The following ACOT1 variants were observed in gnomAD, a reference collection of about 807,000 sequenced individuals.
ACOT1 encodes the protein acyl-coenzyme A thioesterase 1.
ACOT1 carries 8 observed loss-of-function variants against 15.7 expected under a neutral mutation model. The ratio of observed to expected loss-of-function variants is 0.51; its 90% confidence interval spans 0.30 to 0.92. ACOT1 has a LOEUF of 0.92. Among genes scored for constraint, ACOT1 ranks in the 40% least tolerant of loss-of-function variants. The pLI, the probability that ACOT1 is intolerant of heterozygous loss-of-function variation, is 0.06. For missense variants in ACOT1, 151 were observed against 539.4 expected (o/e 0.28, Z 7.13); for synonymous variants, 67 against 241.2 (o/e 0.28, Z 6.69).
chr14:73,491,438 C>T, the ACOT1 span: 1 of 1,360,512 alleles, frequency 7.4e-7, no homozygotes, highest in Non-Finnish European at 9.4e-7. Flanking sequence ...CGCGCCGGTC[C>T]GGGTGGTGGA....
the ACOT1 span, among the ~76,000 whole-genome samples, chr14:73,506,990 G>A: frequency 2.6e-5 from 4 of 151,306 alleles, no homozygotes; most frequent in Admixed American, 1.3e-4. Flanking sequence ...TAGTAGAGGC[G>A]GGGTTTTACC....
chr14:73,493,916 T>A, the ACOT1 span, among the ~76,000 whole-genome samples: 50 of 152,352 alleles, frequency 3.3e-4, no homozygotes, highest in Non-Finnish European at 5.9e-4. Context: ...TTATGCTATT[T>A]AATTATGCAA....
the ACOT1 span, chr14:73,503,068 C>G: frequency 4.3e-6 from 6 of 1,384,456 alleles, no homozygotes; most frequent in South Asian, 5.8e-5. Flanking sequence ...TAATTTTGTG[C>G]TTGGCGTTGT....
chr14:73,509,380 A>G, the ACOT1 span: 2 of 1,614,106 alleles, frequency 1.2e-6, no homozygotes, highest in South Asian at 1.1e-5. Flanking sequence ...ATATTGGCAT[A>G]TTGCTGCTGC....
the ACOT1 span, chr14:73,519,123 G>A: frequency 6.2e-7 from 1 of 1,613,810 alleles, no homozygotes; most frequent in South Asian, 1.1e-5. Flanking sequence ...GGACAATCTG[G>A]TCTCTCTTTG....
chr14:73,520,260 AG>A, the ACOT1 span: 1 of 152,288 alleles, frequency 6.6e-6, no homozygotes, highest in Non-Finnish European at 1.5e-5. Flanking sequence ...GGGACAGGGA[AG>A]GTGGCAAACA....
At chr14:73,513,871 C>T in the ACOT1 span, among the ~76,000 whole-genome samples, 1 of 151,398 alleles carries the variant, frequency 6.6e-6, no homozygotes, top group Non-Finnish European at 1.5e-5. Flanking sequence ...GTTCATCTAA[C>T]ACCCAATGTG....
the ACOT1 span, chr14:73,491,487 C>T: frequency 6.7e-7 from 1 of 1,501,244 alleles, no homozygotes; most frequent in South Asian, 1.3e-5. Context: ...CACTTAGCGG[C>T]CGTCCAGTCG....
the ACOT1 span, among the ~76,000 whole-genome samples, chr14:73,509,799 G>C: frequency 1.0e-5 from 1 of 98,834 alleles, no homozygotes; most frequent in African/African-American, 3.9e-5. Flanking sequence ...CAACCAATTT[G>C]CCCCATGAGC....
chr14:73,522,805 A>T, the ACOT1 span: 1 of 1,614,128 alleles, frequency 6.2e-7, no homozygotes, highest in Middle Eastern at 1.6e-4. Context: ...TGAAGCTAAC[A>T]GGTTTCTGAG....
the ACOT1 span, among the ~76,000 whole-genome samples, chr14:73,498,838 A>T: frequency 6.6e-6 from 1 of 152,196 alleles, no homozygotes; most frequent in Non-Finnish European, 1.5e-5. Context: ...GTTGGCAGGG[A>T]CTGTCTTGTC....
chr14:73,501,780 G>A, the ACOT1 span, among the ~76,000 whole-genome samples: 1 of 151,530 alleles, frequency 6.6e-6, no homozygotes, highest in Non-Finnish European at 1.5e-5. Flanking sequence ...TTGAGACGGA[G>A]TCTCACTCTG....
At chr14:73,522,867 G>T in the ACOT1 span, 3 of 1,614,198 alleles carry the variant, frequency 1.9e-6, no homozygotes, top group Non-Finnish European at 2.5e-6. Context: ...GTATTGTAGA[G>T]GTGGTCAAAG....
chr14:73,492,304 T>G, the ACOT1 span: 1 of 1,613,880 alleles, frequency 6.2e-7, no homozygotes, highest in Non-Finnish European at 8.5e-7. This position sits in a 1 kb window ranked among gnomAD's most constrained non-coding sequence, Gnocchi z 4.9. Context: ...ATACCTGGGG[T>G]GACTTCTTAG....
chr14:73,513,582 C>T, the ACOT1 span, among the ~76,000 whole-genome samples: 1 of 151,850 alleles, frequency 6.6e-6, no homozygotes, highest in East Asian at 1.9e-4. Flanking sequence ...AAAAAGTTAA[C>T]CAAGTGTGGT....
At chr14:73,512,111 G>A in the ACOT1 span, 3 of 1,614,172 alleles carry the variant, frequency 1.9e-6, no homozygotes, top group Non-Finnish European at 2.5e-6. Flanking sequence ...CCCAAGCTCT[G>A]AAGCAGGTTC....
the ACOT1 span, chr14:73,499,244 G>A: frequency 3.2e-6 from 3 of 947,328 alleles, no homozygotes; most frequent in South Asian, 3.9e-5. Context: ...ATTTTGGGAT[G>A]CCAAGGTGGG....
At chr14:73,514,882 C>G in the ACOT1 span, among the ~76,000 whole-genome samples, 1 of 151,876 alleles carries the variant, frequency 6.6e-6, no homozygotes, top group Non-Finnish European at 1.5e-5. Flanking sequence ...TCCTGGCTAA[C>G]ACGGTGAAAA....
At chr14:73,521,680 T>C in the ACOT1 span, among the ~76,000 whole-genome samples, 1 of 152,208 alleles carries the variant, frequency 6.6e-6, no homozygotes, top group African/African-American at 2.4e-5. Context: ...AAGAAACATG[T>C]AGTCATCTTC....
Sources: allele counts gnomAD v4.1 joint callset (sites outside exome capture counted in the v4.1 genomes callset), GRCh38; gene constraint gnomAD v4.1.1; non-coding constraint Gnocchi (gnomAD v3.1); transcripts MANE v1.5; gene names NCBI Gene and HGNC (gene_info 2026-07-23, HGNC 2026-07-21).